DGKB: variants seen among roughly 807,000 people sequenced by gnomAD.
DGKB encodes 90 kDa diacylglycerol kinase.
In DGKB, 67 loss-of-function variants were observed where a neutral mutation model predicts 114.3. The observed-to-expected ratio is 0.59, with a 90% CI of 0.48 to 0.72. The LOEUF (loss-of-function observed/expected upper bound fraction) is 0.72, where lower values mean the gene tolerates loss of function less well. DGKB is among the 30% of genes least tolerant of loss of function. DGKB has a pLI of 0.00. For missense variants in DGKB, 907 were observed against 975.2 expected, an observed-to-expected ratio of 0.93 and a Z score of 0.93; for synonymous variants, 398 against 323.1, an observed-to-expected ratio of 1.23 and a Z score of -2.49.
intron 21 of DGKB, among the ~76,000 whole-genome samples, chr7:14,458,727 G>A (rs1584097636): frequency 6.6e-6 from 1 of 152,176 alleles, no homozygotes; most frequent in East Asian, 1.9e-4. Flanking sequence ...TCACTCCAGT[G>A]CCTACACCAC....
chr7:14,922,068 G>A (rs779482557), intron 1 of DGKB, among the ~76,000 whole-genome samples: 10 of 152,030 alleles, frequency 6.6e-5, no homozygotes, highest in Non-Finnish European at 1.5e-4. Flanking sequence ...TCGACAAAGA[G>A]CGTCTTTCCT....
intron 23 of DGKB, among the ~76,000 whole-genome samples, chr7:14,217,851 A>G (rs1789256864): frequency 6.6e-6 from 1 of 152,004 alleles, no homozygotes; most frequent in South Asian, 2.1e-4. Flanking sequence ...CTCACTTTTT[A>G]TCTTTTCTTT....
At chr7:14,810,380 A>G (rs920095783) in intron 2 of DGKB, among the ~76,000 whole-genome samples, 1 of 125,890 alleles carries the variant, frequency 7.9e-6, no homozygotes, top group African/African-American at 2.9e-5. Context: ...TTTAGACTAC[A>G]ACATTATGGG....
chr7:14,332,563 G>A (rs1268211430), intron 23 of DGKB, among the ~76,000 whole-genome samples: 4 of 152,100 alleles, frequency 2.6e-5, no homozygotes, highest in African/African-American at 9.7e-5. Context: ...CACTTAGGTA[G>A]GATGTTTTAC....
At chr7:14,645,227 C>T (rs1404620) in intron 13 of DGKB, among the ~76,000 whole-genome samples, 5,997 of 152,184 alleles carry the variant, frequency 0.039, 399 homozygotes, top group African/African-American at 0.14. Context: ...CGAGAGCTTT[C>T]CTTCAGTGAC....
chr7:14,870,590 G>T (rs947309149), intron 1 of DGKB, among the ~76,000 whole-genome samples: 3 of 152,116 alleles, frequency 2.0e-5, no homozygotes, highest in Non-Finnish European at 4.4e-5. Flanking sequence ...GACATCAGGC[G>T]TTTGAGATCA....
intron 5 of DGKB, among the ~76,000 whole-genome samples, chr7:14,726,779 G>A (rs1830095761): frequency 6.6e-6 from 1 of 152,134 alleles, no homozygotes; most frequent in African/African-American, 2.4e-5. Flanking sequence ...GCTCATCTGT[G>A]TTTTTGATAG....
At chr7:14,561,653 A>G (rs144226139) in intron 20 of DGKB, among the ~76,000 whole-genome samples, 53 of 152,332 alleles carry the variant, frequency 3.5e-4, no homozygotes, top group African/African-American at 1.3e-3. Context: ...AACTCTTGCT[A>G]TACAAAGAGA....
At chr7:14,523,280 G>C (rs1301647841) in intron 20 of DGKB, among the ~76,000 whole-genome samples, 2 of 152,100 alleles carry the variant, frequency 1.3e-5, no homozygotes, top group Non-Finnish European at 2.9e-5. Flanking sequence ...CTTTGAAGAA[G>C]GCATCATGGA....
At chr7:14,850,183 G>A (rs957733747) in intron 1 of DGKB, among the ~76,000 whole-genome samples, 4 of 152,166 alleles carry the variant, frequency 2.6e-5, no homozygotes, top group Non-Finnish European at 4.4e-5. Flanking sequence ...TTTAGCAATA[G>A]CAATTTCTTT....
rs181524382 is a variant in DGKB at position 14,774,753 on chromosome 7, T to G, written c.71-17022A>C. 4.4e-3 allele frequency among the ~76,000 whole-genome samples: 670 copies of G among 152,288 alleles called. 8 individuals carry two copies. The highest frequency in any genetic ancestry group is 0.015 in the African/African-American group (627 of 41,578). On this transcript the variant is annotated intron_variant, in intron 2 of 25. Transcript: ENST00000402815. ...ATTGGCAGCAAATTTATCTCAATTT[T>G]TGAGATTTTTAAAAAACAATGTGTT...
rs531661589 is a variant in DGKB, at chr7:14,356,639, C to T, written c.1836-11248G>A. Among the ~76,000 whole-genome samples, 173 of 151,942 alleles carry T rather than the reference C, an allele frequency of 1.1e-3. 1 individual carries two copies. The highest frequency in any genetic ancestry group is 9.4e-4 in the Non-Finnish European group (64 of 67,924). On this transcript the variant is annotated intron_variant, in intron 21 of 25. Coordinates refer to ENST00000402815, the MANE Select transcript of DGKB (RefSeq NM_001350709.2). The stretch of plus-strand genomic sequence containing the variant: ...CCTCCCAAAGTGCTGGGATTACAGG[C>T]GTGAGCCACCACGCCCGGGCTTGCT...
At chr7:14,456,125 A>C (rs1235387169) in intron 21 of DGKB, among the ~76,000 whole-genome samples, 1 of 152,084 alleles carries the variant, frequency 6.6e-6, no homozygotes, top group East Asian at 1.9e-4. Context: ...TATTATTAAG[A>C]ATATTGCATG....
intron 9 of DGKB, among the ~76,000 whole-genome samples, chr7:14,688,737 A>G (rs1822160421): frequency 6.6e-6 from 1 of 152,218 alleles, no homozygotes; most frequent in Non-Finnish European, 1.5e-5. Context: ...TACAAGGCAA[A>G]GGGATGTTTC....
chr7:14,367,086 C>T lies in DGKB; in HGVS notation c.1836-21695G>A, dbSNP rs145549312. ...AGACATGCGGTGCAATACTCTCTTG[C>T]GATGCCAGGCAGTAGCAGTGAACCT... On this transcript the variant is annotated intron_variant, in intron 21 of 25. Transcript: ENST00000402815. 4.5e-4 allele frequency among the ~76,000 whole-genome samples: 69 copies of T among 152,156 alleles called. 2 individuals carry two copies. In the East Asian group the frequency reaches 9.9e-3, roughly 22 times the overall value.
intron 1 of DGKB, among the ~76,000 whole-genome samples, chr7:14,878,770 A>AAC (rs1554325590): frequency 5.7e-5 from 8 of 140,156 alleles, no homozygotes; most frequent in African/African-American, 2.2e-4. Context: ...AAAAAAAAAC[A>AAC]AAAAAAAAAA....
intron 23 of DGKB, among the ~76,000 whole-genome samples, chr7:14,252,740 G>A (rs1039693865): frequency 6.6e-6 from 1 of 152,136 alleles, no homozygotes; most frequent in Non-Finnish European, 1.5e-5. Context: ...ACTGGAGCTT[G>A]GGTACACAGG....
At chr7:14,838,794 A>T (rs191290366) in intron 2 of DGKB, among the ~76,000 whole-genome samples, 4 of 152,146 alleles carry the variant, frequency 2.6e-5, no homozygotes, top group Non-Finnish European at 5.9e-5. Context: ...TTATAACTGT[A>T]CAATGACTTC....
chr7:14,711,471 A>G (rs567314428), intron 6 of DGKB, among the ~76,000 whole-genome samples: 1 of 152,250 alleles, frequency 6.6e-6, no homozygotes, highest in East Asian at 1.9e-4. Context: ...AGTATTGAAC[A>G]CACATATTTA....
Sources: allele counts gnomAD v4.1 joint callset (sites outside exome capture counted in the v4.1 genomes callset), GRCh38; gene constraint gnomAD v4.1.1; transcripts MANE v1.5; gene names NCBI Gene and HGNC (gene_info 2026-07-23, HGNC 2026-07-21).